The following COL20A1 variants were observed in gnomAD, a reference collection of about 807,000 sequenced individuals.
COL20A1 encodes the protein collagen alpha-1(XX) chain.
COL20A1 carries 164 observed loss-of-function variants against 152.9 expected under a neutral mutation model. The ratio of observed to expected loss-of-function variants is 1.07; its 90% CI spans 0.94 to 1.22. COL20A1 has a LOEUF of 1.22. Ranked by LOEUF, COL20A1 falls within the 50% of genes most tolerant of loss-of-function variation. The pLI is 0.00. For synonymous variants in COL20A1, 864 were observed against 756.0 expected (o/e 1.14, Z -2.34); for missense variants, 1,873 against 1,744.8 (o/e 1.07, Z -1.31).
chr20:63,321,374 G>C (rs940639725), intron 26 of COL20A1, among the ~76,000 whole-genome samples: 9 of 152,022 alleles, frequency 5.9e-5, no homozygotes, highest in East Asian at 1.9e-4. Context: ...GGGTTGGGAA[G>C]GGGGGCCAGG....
Position 63,313,062 on chromosome 20 carries a change from C to T in COL20A1, c.2077-55C>T. On this transcript the variant is annotated intron_variant, in intron 16 of 35. Transcript: ENST00000358894. This position sits in a 1 kb window ranked among gnomAD's most constrained non-coding sequence, Gnocchi z 5.9. ...CCAGGGATGCCTCACTGCCCGGCCC[C>T]CCAACCTGAGGACCCCACTGCACCC... 1 of 1,572,418 alleles carries T rather than the reference C, an allele frequency of 6.4e-7. No individual in the cohort carries two copies. Among genetic ancestry groups the T allele is most frequent in the African/African-American group, 1.4e-5 (1 of 73,852 alleles).
At chr20:63,326,896 ACTCAGGGACTTCCTACTGACAG>A (rs1479668340) in intron 31 of COL20A1, 73 bp downstream of exon 31, 2 of 1,062,650 alleles carry the variant, frequency 1.9e-6, no homozygotes, top group Non-Finnish European at 2.6e-6. Context: ...ACATGCAACC[ACTCAGGGACTTCCTACTGACAG>A]CTCAGGGACT....
intron 1 of COL20A1, among the ~76,000 whole-genome samples, chr20:63,294,094 T>C (rs1306247877): frequency 1.1e-4 from 1 of 8,792 alleles, no homozygotes; most frequent in Non-Finnish European, 2.3e-4. Flanking sequence ...GGTGAGGGGC[T>C]GGCATGAGCA....
chr20:63,320,708 G>A (rs985282702), intron 25 of COL20A1, among the ~76,000 whole-genome samples: 3 of 152,182 alleles, frequency 2.0e-5, no homozygotes, highest in Non-Finnish European at 4.4e-5. Context: ...ACCCTGTGCT[G>A]GGCTTGGCCA....
At chr20:63,296,495 C>T (rs532096590) in intron 2 of COL20A1, among the ~76,000 whole-genome samples, 2 of 152,342 alleles carry the variant, frequency 1.3e-5, no homozygotes, top group South Asian at 4.1e-4. Flanking sequence ...GCTGGGGCAG[C>T]CCTTCCCAGG....
At position 63,316,685 on chromosome 20, in the gene COL20A1, G is replaced by A. The variant is rs924995901; in HGVS notation, c.2657G>A (p.Arg886Gln). The A allele has an allele frequency of 5.8e-6, 9 of 1,559,806 alleles. No homozygotes were observed. Among genetic ancestry groups the A allele is most frequent in the Middle Eastern group, 1.7e-4 (1 of 5,966 alleles). The change falls in exon 21 of 36, where the codon CGG becomes CAG. Residue 886 changes from arginine to glutamine, a missense_variant. Arg to Gln is a conservative substitution (Grantham distance 43). Transcript: ENST00000358894. ...TTCAAGGACGCCCAGCTGACAAGAC[G>A]GGTCAGGTGTGAGGGCAAGGGCTGG... is the stretch of plus-strand genomic sequence containing the variant. ...TLFKDAQLTR[R>Q]VSDVYPAPLP...
chr20:63,316,231 G>A lies in COL20A1; in HGVS notation c.2525-322G>A, dbSNP rs573589693. Among the ~76,000 whole-genome samples the A allele has an allele frequency of 3.1e-3, 465 of 152,234 alleles. 1 individual carries two copies. The highest frequency in any genetic ancestry group is 6.8e-3 in the Middle Eastern group (2 of 294). On this transcript the variant is annotated intron_variant, in intron 20 of 35. Transcript: ENST00000358894. ...TGGGGCTCATGATCGGGGGCTGGGCGTCCACCTTGTCCATCTCTGGGTCTC... is the reference window on the plus strand; with the variant it reads ...TGGGGCTCATGATCGGGGGCTGGGCATCCACCTTGTCCATCTCTGGGTCTC...
chr20:63,297,832 G>A, intron 2 of COL20A1, 78 bp from the exon 3 acceptor site: 1 of 1,112,034 alleles, frequency 9.0e-7, no homozygotes, highest in Non-Finnish European at 1.3e-6. Flanking sequence ...GCTGAGGGCA[G>A]GATGCCTGTA....
Position 63,326,830 on chromosome 20 carries a change from G to T in COL20A1, c.3528+7G>T, listed in dbSNP as rs760736286. Reference sequence around the variant, plus strand: ...AGGGACCGTGGGGCCCACAGTAAGTGCATTTCCAACACCCACCAGCCAACC... The same window carrying T: ...AGGGACCGTGGGGCCCACAGTAAGTTCATTTCCAACACCCACCAGCCAACC... On this transcript the variant is annotated splice_region_variant and intron_variant, in intron 31 of 35. Coordinates refer to ENST00000358894, the MANE Select transcript of COL20A1 (RefSeq NM_020882.4). 6.7e-7 allele frequency: 1 copy of T among 1,495,552 alleles called. No homozygotes were observed. Among genetic ancestry groups the T allele is most frequent in the South Asian group, 1.4e-5 (1 of 72,034 alleles). 92.6% of individuals were successfully genotyped at this position (1,495,552 alleles called of 1,614,324 possible). A position where few individuals can be genotyped will look rare whatever the true frequency, so the allele number is the denominator to read the frequency against.
intron 9 of COL20A1, 47 bp from the exon 10 acceptor site, chr20:63,309,711 C>T (rs1486839947): frequency 6.7e-7 from 1 of 1,486,080 alleles, no homozygotes; most frequent in East Asian, 2.5e-5. Flanking sequence ...GTGGACACAG[C>T]TGCCCGTGCA....
At position 63,309,421 on chromosome 20, in the gene COL20A1, G is replaced by A. The variant is rs924556573; in HGVS notation, c.1029G>A (p.Gln343=). The change falls in exon 9 of 36, where the codon CAG becomes CAA. Residue 343 remains glutamine, a synonymous_variant. Coordinates refer to ENST00000358894, the MANE Select transcript of COL20A1 (RefSeq NM_020882.4). ...TCCACAGCGTGCTGGACTTCCTGCA[G>A]CTCGGCGCGCTGGCTGGCCTGCTCA... ...ITVHSVLDFL[Q]LGALAGLLSR... The A allele has an allele frequency of 2.6e-6, 4 of 1,550,818 alleles. No individual in the cohort carries two copies. Among genetic ancestry groups the A allele is most frequent in the Non-Finnish European group, 3.5e-6 (4 of 1,146,560 alleles).
intron 3 of COL20A1, among the ~76,000 whole-genome samples, chr20:63,300,104 A>G (rs1280920121): frequency 6.6e-6 from 1 of 152,112 alleles, no homozygotes; most frequent in African/African-American, 2.4e-5. Flanking sequence ...ATGTTATTAA[A>G]TCAATTTGCA....
In COL20A1 at chr20:63,307,655, G is replaced by A; in HGVS notation, c.655+7G>A. ...CCGGATAAGGTCCAAGTAGGTGGGT[G>A]CTGGCCCGGCCCGCCTCCTGCCCCA... On this transcript the variant is annotated splice_region_variant and intron_variant, in intron 6 of 35. Transcript: ENST00000358894. 1.2e-6 allele frequency: 2 copies of A among 1,609,400 alleles called. No individual in the cohort carries two copies. Among genetic ancestry groups the A allele is most frequent in the East Asian group, 2.2e-5 (1 of 44,816 alleles).
intron 25 of COL20A1, among the ~76,000 whole-genome samples, chr20:63,320,650 C>T (rs1253081419): frequency 2.0e-5 from 3 of 150,340 alleles, no homozygotes; most frequent in Non-Finnish European, 4.4e-5. Flanking sequence ...GGAAGGGGCA[C>T]GTGGCCAGGC....
intron 26 of COL20A1, 33 bp downstream of exon 26, chr20:63,321,132 G>C (rs1402938630): frequency 6.1e-6 from 9 of 1,471,552 alleles, no homozygotes; most frequent in Non-Finnish European, 8.4e-6. Context: ...GGGGTGACCA[G>C]GGAACACTGG....
chr20:63,317,953 C>A (rs79373062), intron 21 of COL20A1, among the ~76,000 whole-genome samples: 3 of 152,220 alleles, frequency 2.0e-5, no homozygotes, highest in East Asian at 3.9e-4. Context: ...GAGCTCTGAT[C>A]GCCTGCAGCC....
Position 63,329,611 on chromosome 20 carries a change from G to C in COL20A1, c.3808G>C (p.Gly1270Arg). The change falls in exon 35 of 36, where the codon GGC becomes CGC. Residue 1270 changes from glycine to arginine, a missense_variant. Physicochemically the swap from Gly to Arg is moderately radical, Grantham distance 125. Coordinates refer to ENST00000358894, the MANE Select transcript of COL20A1 (RefSeq NM_020882.4). ...RGEPGAVGQM[G>R]SPGQQGASTQ... Reference sequence around the variant, plus strand: ...GGAGCCTGGAGCTGTTGGTCAGATGGGCAGCCCTGGGCAGCAGGGGGCTAG... The same window carrying C: ...GGAGCCTGGAGCTGTTGGTCAGATGCGCAGCCCTGGGCAGCAGGGGGCTAG... The C allele has an allele frequency of 6.2e-7, 1 of 1,607,736 alleles. No homozygotes were observed. Among genetic ancestry groups the C allele is most frequent in the Non-Finnish European group, 8.5e-7 (1 of 1,178,678 alleles).
intron 34 of COL20A1, among the ~76,000 whole-genome samples, 163 bp downstream of exon 34, chr20:63,328,661 C>T (rs118022919): frequency 0.044 from 6,750 of 152,284 alleles, 229 homozygotes; most frequent in South Asian, 0.08. Flanking sequence ...CGGGGCTTCC[C>T]TGAGCCCACA....
chr20:63,325,676 C>A lies in COL20A1; in HGVS notation c.3357C>A (p.Pro1119=), dbSNP rs374363300. 3.7e-6 allele frequency: 6 copies of A among 1,610,082 alleles called. No individual in the cohort carries two copies. In the South Asian group the frequency reaches 5.5e-5, roughly 15 times the overall value. ...DHGLPGLQGH[P]GHQGIPGRVG... ...CCTCTGTTCTCTCCCAGGGCCACCC[C>A]GGCCACCAGGGCATCCCCGGGAGAG... The change falls in exon 29 of 36, where the codon CCC becomes CCA. Residue 1119 remains proline, a synonymous_variant. Transcript: ENST00000358894.
Sources: gnomAD v4.1 joint callset for allele counts (sites outside exome capture counted in the v4.1 genomes callset) on GRCh38, gnomAD v4.1.1 for gene constraint, Gnocchi (gnomAD v3.1) non-coding constraint, MANE v1.5 for transcripts, NCBI Gene and HGNC (gene_info 2026-07-23, HGNC 2026-07-21) for gene names.